Variants in ALMS1 observed in about 807,000 individuals in gnomAD.
The protein encoded by ALMS1 is centrosome-associated protein ALMS1.
Under a neutral mutation model 352.2 loss-of-function variants are expected in ALMS1, and 271 were observed. The ratio of observed to expected loss-of-function variants is 0.77; its 90% confidence interval spans 0.70 to 0.85. The LOEUF is 0.85. Among genes scored for constraint, ALMS1 ranks in the 40% least tolerant of loss-of-function variants. ALMS1 has a pLI of 0.00. For missense variants in ALMS1, 5,445 were observed against 4,870.7 expected, an observed-to-expected ratio of 1.12 and a Z score of -3.51; for synonymous variants, 1,865 against 1,761.2, an observed-to-expected ratio of 1.06 and a Z score of -1.48.
chr2:73,452,415 A>G lies in ALMS1; in HGVS notation c.5888A>G (p.Glu1963Gly). ...QELPDSHLTEEALKVSPVSIP... is the reference protein window; with the variant it reads ...QELPDSHLTEGALKVSPVSIP... ...TTGCCAGACAGTCATCTCACAGAAG[A>G]GGCTCTGAAAGTTTCACCTGTTTCT... Residue 1963 changes from glutamate (E) to glycine (G), a missense_variant, in exon 8 of 23, where the codon GAG (glutamate) becomes GGG (glycine). Physicochemically the swap from Glu to Gly is moderately conservative, Grantham distance 98 (BLOSUM62 -2). Coordinates refer to ENST00000613296, the MANE Select transcript of ALMS1 (RefSeq NM_001378454.1). The G allele has an allele frequency of 1.9e-6, 3 of 1,614,038 alleles. No homozygotes were observed. Among genetic ancestry groups the G allele is most frequent in the Non-Finnish European group, 2.5e-6 (3 of 1,179,984 alleles).
chr2:73,600,621 ATC>A, intron 17 of ALMS1, 55 bp from the exon 18 acceptor site: 1 of 1,504,720 alleles, frequency 6.6e-7, no homozygotes, highest in Non-Finnish European at 9.0e-7. Context: ...ACTTGAATAA[ATC>A]TGTCAACTCA....
chr2:73,474,896 C>T (rs1221031948), intron 9 of ALMS1, among the ~76,000 whole-genome samples: 2 of 151,912 alleles, frequency 1.3e-5, no homozygotes, highest in South Asian at 4.2e-4. Context: ...TGTCATTAGC[C>T]CCTCTCCCCC....
At chr2:73,582,555 A>G (rs929740218) in intron 16 of ALMS1, among the ~76,000 whole-genome samples, 32 of 152,174 alleles carry the variant, frequency 2.1e-4, no homozygotes, top group Non-Finnish European at 1.5e-5. Context: ...GCTCCTGGTA[A>G]CCACTATTCT....
chr2:73,531,185 G>T (rs1455081200), intron 11 of ALMS1, among the ~76,000 whole-genome samples: 2 of 152,128 alleles, frequency 1.3e-5, no homozygotes, highest in East Asian at 3.8e-4. Context: ...AAATTTTTAT[G>T]CCCTGCTTCC....
chr2:73,464,173 G>A (rs1450948954), intron 9 of ALMS1, among the ~76,000 whole-genome samples: 2 of 152,170 alleles, frequency 1.3e-5, no homozygotes, highest in African/African-American at 2.4e-5. Context: ...TATCCCTGAT[G>A]AACATTGATG....
In ALMS1 at chr2:73,528,168, A is replaced by G. The variant is rs148518159; in HGVS notation, c.9782-6656A>G. Among the ~76,000 whole-genome samples the G allele has an allele frequency of 6.6e-5, 10 of 152,336 alleles. No individual in the cohort carries two copies. The East Asian group carries it at 1.3e-3, about 21-fold the overall frequency. On this transcript the variant is annotated intron_variant, in intron 11 of 22. Transcript: ENST00000613296. ...TTGAACACTTGTTTTGTGGCCTAAA[A>G]TATGACCTGTCCTTGAGAATGATCC...
At chr2:73,439,872 C>T (rs62151606) in intron 7 of ALMS1, among the ~76,000 whole-genome samples, 219 of 152,158 alleles carry the variant, frequency 1.4e-3, no homozygotes, top group Non-Finnish European at 2.7e-3. Flanking sequence ...GTCTATTATG[C>T]CTTAAGTCTG....
intron 9 of ALMS1, among the ~76,000 whole-genome samples, chr2:73,465,607 G>A (rs1293986474): frequency 4.6e-5 from 7 of 152,066 alleles, no homozygotes; most frequent in African/African-American, 1.7e-4. Flanking sequence ...AACACCAAAA[G>A]CAATGGCAAC....
At position 73,602,268 on chromosome 2, in the gene ALMS1, G is replaced by T; in HGVS notation, c.12198G>T (p.Arg4066Ser). 1 of 1,614,168 alleles carries T rather than the reference G, an allele frequency of 6.2e-7. No individual in the cohort carries two copies. Among genetic ancestry groups the T allele is most frequent in the South Asian group, 1.1e-5 (1 of 91,082 alleles). The change falls in exon 20 of 23, where the codon AGG (arginine) becomes AGT (serine). Residue 4066 changes from arginine to serine, a missense_variant. Physicochemically the swap from Arg to Ser is moderately radical, Grantham distance 110 (BLOSUM62 -1). Coordinates refer to ENST00000613296, the MANE Select transcript of ALMS1 (RefSeq NM_001378454.1). Reference sequence around the variant, plus strand: ...GCCTGAAGTTAATAGTCCAGGAGAGGAAGCTGCAGAGCATGTTACAGACCG... The same window carrying T: ...GCCTGAAGTTAATAGTCCAGGAGAGTAAGCTGCAGAGCATGTTACAGACCG... ...IKRLKLIVQE[R>S]KLQSMLQTER...
At position 73,485,722 on chromosome 2, in the gene ALMS1, C is replaced by G. The variant is rs1008357626; in HGVS notation, c.7675-3912C>G. On this transcript the variant is annotated intron_variant, in intron 9 of 22. Coordinates refer to ENST00000613296, the MANE Select transcript of ALMS1 (RefSeq NM_001378454.1). ...CTCAGACTGCTGTGCTAGCAATCAG[C>G]GAGACTCCGTGGGCCTAGGACGCTC... Among the ~76,000 whole-genome samples the G allele has an allele frequency of 2.0e-5, 3 of 151,750 alleles. No homozygotes were observed. The East Asian group carries it at 5.8e-4, about 29-fold the overall frequency.
Position 73,453,413 on chromosome 2 carries a change from C to G in ALMS1, c.6886C>G (p.Gln2296Glu), listed in dbSNP as rs747355678. The change falls in exon 8 of 23, where the codon CAA becomes GAA. Residue 2296 changes from glutamine to glutamate, a missense_variant. Physicochemically the swap from Gln to Glu is conservative, Grantham distance 29. Coordinates refer to ENST00000613296, the MANE Select transcript of ALMS1 (RefSeq NM_001378454.1). ...FRDISDISFI[Q>E]SKKVVCFKEP... ...AGATATTAGTGATATTTCATTTATA[C>G]AATCTAAGAAGGTGGTTTGCTTCAA... 6.2e-7 allele frequency: 1 copy of G among 1,613,714 alleles called. No homozygotes were observed. The highest frequency in any genetic ancestry group is 1.7e-5 in the Admixed American group (1 of 59,948).
In ALMS1 at chr2:73,517,246, C is replaced by CTTTTTTTT. The variant is rs770879267; in HGVS notation, c.9540-2519_9540-2512dup. On this transcript the variant is annotated intron_variant, in intron 10 of 22. Transcript: ENST00000613296. ...CAAGTGATTTTTTGAAAGTTTTAGT[C>CTTTTTTTT]TTTTTTTTTTTTTTTTTCTTATAGA... Among the ~76,000 whole-genome samples, 163 of 104,958 alleles carry CTTTTTTTT rather than the reference C, an allele frequency of 1.6e-3. 6 individuals are homozygous for CTTTTTTTT. The highest frequency in any genetic ancestry group is 2.1e-3 in the Non-Finnish European group (118 of 57,398). 68.9% of individuals were successfully genotyped at this position (104,958 alleles called of 152,430 possible).
intron 16 of ALMS1, among the ~76,000 whole-genome samples, chr2:73,579,771 C>T (rs1675134493): frequency 6.6e-6 from 1 of 152,206 alleles, no homozygotes; most frequent in African/African-American, 2.4e-5. Context: ...AGGATCCCTT[C>T]TGTGCTCGCC....
chr2:73,593,283 A>C (rs1675470693), intron 16 of ALMS1, among the ~76,000 whole-genome samples: 1 of 152,032 alleles, frequency 6.6e-6, no homozygotes, highest in Non-Finnish European at 1.5e-5. Context: ...ATTATTGTGA[A>C]TCCGTGGATG....
chr2:73,442,547 A>G (rs1475760931), intron 7 of ALMS1, among the ~76,000 whole-genome samples: 2 of 152,178 alleles, frequency 1.3e-5, no homozygotes, highest in Admixed American at 1.3e-4. Context: ...GAGGGCACCA[A>G]TTTAATTTCT....
intron 7 of ALMS1, among the ~76,000 whole-genome samples, chr2:73,445,545 T>C (rs1671794889): frequency 6.6e-6 from 1 of 152,130 alleles, no homozygotes; most frequent in African/African-American, 2.4e-5. Flanking sequence ...AATGGAAGTA[T>C]GGAATTGTAC....
intron 9 of ALMS1, among the ~76,000 whole-genome samples, chr2:73,472,919 AGAGTATCAGCTGTAGAAGCCT>A (rs1234570152): frequency 6.6e-6 from 1 of 152,146 alleles, no homozygotes; most frequent in Non-Finnish European, 1.5e-5. Flanking sequence ...TTTAAAAGCC[AGAGTATCAGCTGTAGAAGCCT>A]GAGTCTGGGG....
chr2:73,467,636 A>C (rs946082244), intron 9 of ALMS1, among the ~76,000 whole-genome samples: 1 of 152,098 alleles, frequency 6.6e-6, no homozygotes, highest in Non-Finnish European at 1.5e-5. Flanking sequence ...ACATATGTTC[A>C]GTAGAAGACA....
chr2:73,569,429 A>T (rs1278298660), intron 15 of ALMS1, among the ~76,000 whole-genome samples: 1 of 152,174 alleles, frequency 6.6e-6, no homozygotes, highest in Non-Finnish European at 1.5e-5. Context: ...GAGCAATGTT[A>T]TCTATTTCCT....
Sources: gnomAD v4.1 joint callset for allele counts (sites outside exome capture counted in the v4.1 genomes callset) on GRCh38, gnomAD v4.1.1 for gene constraint, MANE v1.5 for transcripts, NCBI Gene and HGNC (gene_info 2026-07-23, HGNC 2026-07-21) for gene names.